Variants in TICRR observed in about 807,000 individuals in gnomAD.
TICRR encodes treslin.
A neutral mutation model predicts 178.1 loss-of-function variants in TICRR; 132 were observed. That is an observed-to-expected ratio of 0.74 (90% confidence interval 0.64 to 0.86). The LOEUF is 0.86. TICRR is among the 40% of genes least tolerant of loss of function. TICRR has a pLI of 0.00. For synonymous variants in TICRR, 991 were observed against 900.7 expected, an observed-to-expected ratio of 1.10 and a Z score of -1.79; for missense variants, 2,587 against 2,334.3, an observed-to-expected ratio of 1.11 and a Z score of -2.23.
rs1434533536 is a variant in TICRR, at chr15:89,623,688, T to A, written c.3378T>A (p.His1126Gln). The A allele has an allele frequency of 6.2e-7, 1 of 1,614,042 alleles. No individual in the cohort carries two copies. Among genetic ancestry groups the A allele is most frequent in the South Asian group, 1.1e-5 (1 of 91,078 alleles). The change falls in exon 20 of 22, where the codon CAT becomes CAA. Residue 1126 changes from histidine (H) to glutamine (Q), a missense_variant. His to Gln is a conservative substitution (Grantham distance 24). Coordinates refer to ENST00000268138, the MANE Select transcript of TICRR (RefSeq NM_152259.4). ...FSKTTPRRISHTPQTPLYTPE... is the reference protein window; with the variant it reads ...FSKTTPRRISQTPQTPLYTPE... Reference sequence around the variant, plus strand: ...AAACTACACCAAGAAGGATCTCTCATACACCACAAACTCCGTTGTATACTC... The same window carrying A: ...AAACTACACCAAGAAGGATCTCTCAAACACCACAAACTCCGTTGTATACTC...
chr15:89,575,503 A>G lies in TICRR; in HGVS notation c.-84A>G. The G allele has an allele frequency of 7.7e-7, 1 of 1,292,478 alleles. No homozygotes were observed. The highest frequency in any genetic ancestry group is 1.0e-6 in the Non-Finnish European group (1 of 980,250). 80.1% of individuals were successfully genotyped at this position (1,292,478 alleles called of 1,614,324 possible). A position where few individuals can be genotyped will look rare whatever the true frequency, so the allele number is the denominator to read the frequency against. ...ACCAGGGTCCCAAAGGAAAGCAGTG[A>G]GTGGTGCTGTTTCCCTGAAGGAAGG... is the stretch of plus-strand genomic sequence containing the variant. On this transcript the variant is annotated 5_prime_UTR_variant, in exon 1 of 22. Coordinates refer to ENST00000268138, the MANE Select transcript of TICRR (RefSeq NM_152259.4).
chr15:89,590,854 TG>T (rs1370348122), intron 4 of TICRR, among the ~76,000 whole-genome samples: 3 of 152,214 alleles, frequency 2.0e-5, no homozygotes, highest in Non-Finnish European at 4.4e-5. Context: ...TTTAAGTATT[TG>T]GGTTTTTTTC....
chr15:89,579,353 T>C (rs1003087408), intron 1 of TICRR, among the ~76,000 whole-genome samples: 1 of 152,140 alleles, frequency 6.6e-6, no homozygotes, highest in Non-Finnish European at 1.5e-5. Context: ...ATTTTTGTTT[T>C]TGTTTTGTTT....
chr15:89,623,585 T>C (rs753159398), intron 19 of TICRR, 38 bp from the exon 20 acceptor site: 9 of 1,558,484 alleles, frequency 5.8e-6, no homozygotes, highest in Admixed American at 2.0e-5. Flanking sequence ...TCATGAGTTA[T>C]AATATTCAAG....
chr15:89,617,992 TC>T (rs1241928069), intron 16 of TICRR, 159 bp from the exon 17 acceptor site: 7 of 762,486 alleles, frequency 9.2e-6, no homozygotes, highest in Non-Finnish European at 1.6e-5. Flanking sequence ...GTGGCCAGCC[TC>T]CCTCTTGACA....
intron 15 of TICRR, 26 bp downstream of exon 15, chr15:89,608,975 A>AT: frequency 6.4e-7 from 1 of 1,566,956 alleles, no homozygotes; most frequent in Non-Finnish European, 8.6e-7. Context: ...ATAGCTAGGA[A>AT]AAAGGAAAGG....
intron 18 of TICRR, 44 bp downstream of exon 18, chr15:89,619,886 G>A: frequency 6.4e-7 from 1 of 1,552,326 alleles, no homozygotes; most frequent in Non-Finnish European, 8.7e-7. Flanking sequence ...GTGCTGACTT[G>A]GTGAGAAGTG....
chr15:89,621,417 A>G lies in TICRR; in HGVS notation c.3179A>G (p.Gln1060Arg), dbSNP rs751060687. ...GACCAAAGAGAAAATTCTCCAGTCC[A>G]AAGTATTCGGTCTCCCAAGAGTCTT... is the stretch of plus-strand genomic sequence containing the variant. The part of the protein sequence containing the change: ...KSDQRENSPV[Q>R]SIRSPKSLLF... The change falls in exon 19 of 22, where the codon CAA (glutamine) becomes CGA (arginine). Residue 1060 changes from glutamine (Q) to arginine (R), a missense_variant. Gln to Arg is a conservative substitution (Grantham distance 43). Transcript: ENST00000268138. 1.2e-5 allele frequency: 20 copies of G among 1,603,786 alleles called. No homozygotes were observed. The highest frequency in any genetic ancestry group is 1.7e-4 in the Middle Eastern group (1 of 6,042).
At chr15:89,620,909 G>C (rs537943672) in intron 18 of TICRR, among the ~76,000 whole-genome samples, 1 of 151,436 alleles carries the variant, frequency 6.6e-6, no homozygotes, top group East Asian at 2.0e-4. Flanking sequence ...ATTTTTAGTA[G>C]AGACAGGTTT....
intron 9 of TICRR, among the ~76,000 whole-genome samples, 187 bp downstream of exon 9, chr15:89,600,872 G>T (rs1000763396): frequency 6.6e-6 from 1 of 151,808 alleles, no homozygotes; most frequent in African/African-American, 2.4e-5. Flanking sequence ...TAGTGAGACC[G>T]TGTCTACCAA....
At chr15:89,588,005 G>T (rs986510122) in intron 4 of TICRR, among the ~76,000 whole-genome samples, 3 of 152,178 alleles carry the variant, frequency 2.0e-5, no homozygotes, top group Non-Finnish European at 4.4e-5. Flanking sequence ...GGAAGTGCAA[G>T]TGGAGGGGTT....
At position 89,621,562 on chromosome 15, in the gene TICRR, C is replaced by T. The variant is rs1963426116; in HGVS notation, c.3312+12C>T. 2 of 1,600,988 alleles carry T rather than the reference C, an allele frequency of 1.2e-6. No individual in the cohort carries two copies. The highest frequency in any genetic ancestry group is 4.5e-5 in the East Asian group (2 of 44,792). ...CTGCAGCTTACCAGGTATAATGTTT[C>T]TGTAATGTTTGAAATAATATAATCT... is the stretch of plus-strand genomic sequence containing the variant. On this transcript the variant is annotated intron_variant, in intron 19 of 21. Coordinates refer to ENST00000268138, the MANE Select transcript of TICRR (RefSeq NM_152259.4).
intron 7 of TICRR, among the ~76,000 whole-genome samples, chr15:89,597,821 G>A (rs1187130466): frequency 2.0e-5 from 3 of 152,084 alleles, no homozygotes; most frequent in Non-Finnish European, 4.4e-5. Context: ...GATCAAATTG[G>A]GAATCTGAAA....
chr15:89,596,220 A>G (rs1462981380), intron 7 of TICRR, among the ~76,000 whole-genome samples: 1 of 152,234 alleles, frequency 6.6e-6, no homozygotes, highest in Non-Finnish European at 1.5e-5. Flanking sequence ...ACCTTTATGG[A>G]AACAAAATTA....
At chr15:89,605,322 CTG>C (rs1265385347) in intron 13 of TICRR, among the ~76,000 whole-genome samples, 1 of 152,222 alleles carries the variant, frequency 6.6e-6, no homozygotes, top group East Asian at 1.9e-4. Flanking sequence ...GGTCTGTACA[CTG>C]TAGTTTACTG....
intron 18 of TICRR, among the ~76,000 whole-genome samples, chr15:89,621,017 G>A (rs1176990675): frequency 8.1e-5 from 12 of 148,586 alleles, no homozygotes; most frequent in Non-Finnish European, 1.5e-4. Context: ...CACTGCGCCC[G>A]GCCTTGTTTG....
intron 4 of TICRR, among the ~76,000 whole-genome samples, chr15:89,590,939 A>G: frequency 6.6e-6 from 1 of 152,132 alleles, no homozygotes; most frequent in Non-Finnish European, 1.5e-5. Context: ...TACAGAGTTC[A>G]CTGAAATTTC....
chr15:89,600,057 G>C (rs1187395671), intron 8 of TICRR, among the ~76,000 whole-genome samples: 1 of 152,194 alleles, frequency 6.6e-6, no homozygotes, highest in East Asian at 1.9e-4. Flanking sequence ...AGTGAGGCAA[G>C]ATCGTACCAT....
chr15:89,590,903 G>A (rs1962900625), intron 4 of TICRR, among the ~76,000 whole-genome samples: 1 of 152,090 alleles, frequency 6.6e-6, no homozygotes, highest in African/African-American at 2.4e-5. Context: ...TCATTTGTCT[G>A]GGGTCTTAGA....
Sources: allele counts gnomAD v4.1 joint callset (sites outside exome capture counted in the v4.1 genomes callset), GRCh38; gene constraint gnomAD v4.1.1; transcripts MANE v1.5; gene names NCBI Gene and HGNC (gene_info 2026-07-23, HGNC 2026-07-21).